Variants in PTPRG observed in about 807,000 individuals in gnomAD.
PTPRG encodes receptor-type tyrosine-protein phosphatase gamma.
In PTPRG, 102 loss-of-function variants were observed where a neutral mutation model predicts 165.3. That is an observed-to-expected ratio of 0.62 (90% CI 0.53 to 0.73). The LOEUF is 0.73. PTPRG is among the 30% of genes least tolerant of loss of function. The probability of loss-of-function intolerance (pLI) is 0.00; values close to 1 mark genes in which losing one functional copy is unlikely to be tolerated. For synonymous variants in PTPRG, 675 were observed against 669.5 expected, an observed-to-expected ratio of 1.01 and a Z score of -0.13; for missense variants, 1,866 against 1,861.4, an observed-to-expected ratio of 1.00 and a Z score of -0.05.
At chr3:62,162,555 C>T (rs867172373) in intron 7 of PTPRG, among the ~76,000 whole-genome samples, 2 of 152,182 alleles carry the variant, frequency 1.3e-5, no homozygotes, top group Non-Finnish European at 2.9e-5. Context: ...GGGATTTTCT[C>T]CTTGGGCCTG....
At position 62,195,259 on chromosome 3, in the gene PTPRG, A is replaced by C. The variant is rs1308409550; in HGVS notation, c.1327+89A>C. 1 of 1,161,374 alleles carries C rather than the reference A, an allele frequency of 8.6e-7. No individual in the cohort carries two copies. Among genetic ancestry groups the C allele is most frequent in the African/African-American group, 1.5e-5 (1 of 65,902 alleles). The allele number at this position is 1,161,374 out of a possible 1,614,324, so 71.9% of individuals were successfully genotyped here. On this transcript the variant is annotated intron_variant, in intron 10 of 29. Coordinates refer to ENST00000474889, the MANE Select transcript of PTPRG (RefSeq NM_002841.4). This position sits in a 1 kb window ranked among gnomAD's most constrained non-coding sequence, Gnocchi z 4.4. ...TTCTTCCTGCTCAGGTGCTGGGGAA[A>C]AATACAAACAAGCCTGGCAGAAGAA...
intron 2 of PTPRG, among the ~76,000 whole-genome samples, chr3:61,890,889 A>G (rs2038195449): frequency 6.6e-6 from 1 of 152,238 alleles, no homozygotes; most frequent in South Asian, 2.1e-4. Context: ...CATCCATATG[A>G]AAAGATAGCT....
chr3:62,277,691 A>C lies in PTPRG; in HGVS notation c.3765+12A>C. 6.2e-7 allele frequency: 1 copy of C among 1,611,564 alleles called. No individual in the cohort carries two copies. The highest frequency in any genetic ancestry group is 8.5e-7 in the Non-Finnish European group (1 of 1,178,968). On this transcript the variant is annotated intron_variant, in intron 26 of 29. Coordinates refer to ENST00000474889, the MANE Select transcript of PTPRG (RefSeq NM_002841.4). ...ACAACCAGAGCTTGGTAAGTAAAGCACATCTGCTATATATTAATGAGCCCA... is the reference window on the plus strand; with the variant it reads ...ACAACCAGAGCTTGGTAAGTAAAGCCCATCTGCTATATATTAATGAGCCCA...
intron 4 of PTPRG, among the ~76,000 whole-genome samples, chr3:62,006,228 G>T (rs1281173854): frequency 6.6e-6 from 1 of 152,082 alleles, no homozygotes; most frequent in Non-Finnish European, 1.5e-5. Context: ...TTCATAGCTT[G>T]ATTTCTAAAA....
At position 62,231,166 on chromosome 3, in the gene PTPRG, G is replaced by T. The variant is rs544344406; in HGVS notation, c.2289-59G>T. ...GGAGGGCATTTGTATGCAACTCTTG[G>T]TGGCCAATTGAAAATACTGTATTCT... On this transcript the variant is annotated intron_variant, in intron 13 of 29. Transcript: ENST00000474889. 43 of 1,308,368 alleles carry T rather than the reference G, an allele frequency of 3.3e-5. No individual in the cohort carries two copies. In the East Asian group the frequency reaches 1.0e-3, roughly 30 times the overall value. The allele number at this position is 1,308,368 out of a possible 1,614,324, so 81.0% of individuals were successfully genotyped here. A position where few individuals can be genotyped will look rare whatever the true frequency, so the allele number is the denominator to read the frequency against.
intron 1 of PTPRG, among the ~76,000 whole-genome samples, chr3:61,686,945 T>G (rs113007544): frequency 6.6e-6 from 1 of 152,192 alleles, no homozygotes; most frequent in Non-Finnish European, 1.5e-5. Context: ...AAGGAGTCCA[T>G]GTTTTTATAC....
Position 61,603,447 on chromosome 3 carries a change from C to T in PTPRG, c.85+41075C>T, listed in dbSNP as rs559612019. On this transcript the variant is annotated intron_variant, in intron 1 of 29. Transcript: ENST00000474889. ...GATTGAAAGCTCCTTGAGGCTTCAC[C>T]GGAAGCCAAGTAGATGCCAGCACTG... Among the ~76,000 whole-genome samples, 21 of 152,302 alleles carry T rather than the reference C, an allele frequency of 1.4e-4. No individual in the cohort carries two copies. In the South Asian group the frequency reaches 3.7e-3, roughly 27 times the overall value.
At chr3:62,100,642 T>G (rs1249687879) in intron 5 of PTPRG, among the ~76,000 whole-genome samples, 1 of 152,238 alleles carries the variant, frequency 6.6e-6, no homozygotes, top group African/African-American at 2.4e-5. Flanking sequence ...AATGTATGAT[T>G]TGAATTCTGG....
In PTPRG at chr3:61,712,319, C is replaced by G. The variant is rs559894994; in HGVS notation, c.86-36559C>G. ...TTTAACAGATGCTAATATCTTGTCA[C>G]AGCGGCTTAAGACTTTTTTTTTTTA... is the stretch of plus-strand genomic sequence containing the variant. On this transcript the variant is annotated intron_variant, in intron 1 of 29. Coordinates refer to ENST00000474889, the MANE Select transcript of PTPRG (RefSeq NM_002841.4). Among the ~76,000 whole-genome samples the G allele has an allele frequency of 5.9e-5, 9 of 151,346 alleles. No homozygotes were observed. The South Asian group carries it at 6.3e-4, about 11-fold the overall frequency.
chr3:61,611,720 A>C (rs987103538), intron 1 of PTPRG, among the ~76,000 whole-genome samples: 1 of 152,230 alleles, frequency 6.6e-6, no homozygotes, highest in Non-Finnish European at 1.5e-5. Flanking sequence ...ACTGCGTTGT[A>C]GTGCAGAAGT....
intron 2 of PTPRG, among the ~76,000 whole-genome samples, chr3:61,915,214 G>A (rs1387551020): frequency 6.6e-6 from 1 of 152,178 alleles, no homozygotes; most frequent in Non-Finnish European, 1.5e-5. Context: ...GGGCAACAGA[G>A]TGAGACTCTG....
chr3:61,935,729 C>T (rs1053824336), intron 2 of PTPRG, among the ~76,000 whole-genome samples: 5 of 148,748 alleles, frequency 3.4e-5, no homozygotes, highest in Non-Finnish European at 7.4e-5. Context: ...TGTATATTTG[C>T]AAGATGTCCC....
At chr3:61,753,585 G>GATTTT (rs1553660999) in intron 2 of PTPRG, 109 of 365,228 alleles carry the variant, frequency 3.0e-4, no homozygotes, top group Non-Finnish European at 4.5e-4. Flanking sequence ...AAATTTGAGG[G>GATTTT]TTTTTTTTTT....
intron 1 of PTPRG, among the ~76,000 whole-genome samples, chr3:61,669,806 C>T (rs35680956): frequency 0.086 from 13,132 of 152,138 alleles, 676 homozygotes; most frequent in Non-Finnish European, 0.11. Context: ...GCACTGTGGA[C>T]AGCTGGTTGG....
At chr3:61,739,826 G>A (rs1002745380) in intron 1 of PTPRG, among the ~76,000 whole-genome samples, 7 of 152,200 alleles carry the variant, frequency 4.6e-5, no homozygotes, top group African/African-American at 1.7e-4. Context: ...GGTGGAGAAG[G>A]CAGCTAGCTG....
chr3:62,286,487 T>C (rs1229272544), intron 28 of PTPRG, among the ~76,000 whole-genome samples: 1 of 152,048 alleles, frequency 6.6e-6, no homozygotes, highest in East Asian at 1.9e-4. Context: ...GTGAAAATGG[T>C]TAAATGCTCA....
At chr3:62,124,514 A>G in intron 5 of PTPRG, 1 of 1,574,206 alleles carries the variant, frequency 6.4e-7, no homozygotes, top group Non-Finnish European at 8.7e-7. Context: ...CAGGCTCATC[A>G]GGTCATCCAC....
intron 2 of PTPRG, among the ~76,000 whole-genome samples, chr3:61,892,030 T>C (rs2038228778): frequency 6.6e-6 from 1 of 152,222 alleles, no homozygotes; most frequent in Non-Finnish European, 1.5e-5. Flanking sequence ...CTGCTGGTAA[T>C]GTGCTAGGCA....
intron 4 of PTPRG, among the ~76,000 whole-genome samples, chr3:62,020,124 A>T (rs1392653561): frequency 2.0e-5 from 3 of 151,842 alleles, no homozygotes; most frequent in Non-Finnish European, 4.4e-5. Flanking sequence ...AGTACTTGGC[A>T]GAGGGTAGGG....
Sources: allele counts gnomAD v4.1 joint callset (sites outside exome capture counted in the v4.1 genomes callset), GRCh38; gene constraint gnomAD v4.1.1; non-coding constraint Gnocchi (gnomAD v3.1); transcripts MANE v1.5; gene names NCBI Gene and HGNC (gene_info 2026-07-23, HGNC 2026-07-21).